Variants in ANKRD24 observed in about 807,000 individuals in gnomAD.
The protein encoded by ANKRD24 is ankyrin repeat domain 24.
In ANKRD24, 109 loss-of-function variants were observed where a neutral mutation model predicts 127.8. That is an observed-to-expected ratio of 0.85 (90% CI 0.73 to 1.00). ANKRD24 has a LOEUF of 1.00. ANKRD24 is among the 50% of genes least tolerant of loss of function. ANKRD24 has a pLI of 0.00. For synonymous variants in ANKRD24, 743 were observed against 671.1 expected (o/e 1.11, Z -1.66); for missense variants, 1,648 against 1,570.2 (o/e 1.05, Z -0.84).
At chr19:4,213,635 T>C (rs970627663) in intron 15 of ANKRD24, among the ~76,000 whole-genome samples, 1 of 151,858 alleles carries the variant, frequency 6.6e-6, no homozygotes, top group Non-Finnish European at 1.5e-5. Flanking sequence ...TTTGTATTTT[T>C]TGGGGAGTGG....
chr19:4,222,905 C>A, intron 20 of ANKRD24, 110 bp downstream of exon 20: 1 of 1,284,604 alleles, frequency 7.8e-7, no homozygotes, highest in Non-Finnish European at 1.0e-6. Flanking sequence ...CTGGGGTAGG[C>A]AGGTGGGGTC....
At chr19:4,218,211 G>GGCGGCCTGTTTTAGCCCCGCA in intron 18 of ANKRD24, 48 bp downstream of exon 18, 1 of 1,401,382 alleles carries the variant, frequency 7.1e-7, no homozygotes, top group Non-Finnish European at 9.3e-7. Context: ...TTGGCCACGT[G>GGCGGCCTGTTTTAGCCCCGCA]GCGGCCTGTT....
intron 15 of ANKRD24, among the ~76,000 whole-genome samples, chr19:4,214,172 C>CTTTTT (rs11367695): frequency 1.4e-5 from 2 of 147,060 alleles, no homozygotes; most frequent in Non-Finnish European, 3.0e-5. Context: ...ACAAATATTT[C>CTTTTT]TTTTTTTTTT....
In ANKRD24 at chr19:4,207,511, C is replaced by T; in HGVS notation, c.548C>T (p.Thr183Ile). Residue 183 changes from threonine to isoleucine, a missense_variant, in exon 9 of 22, where the codon ACA becomes ATA. Transcript: ENST00000318934. ...HLNPQDRSGA[T>I]PLIIAAQMCH... is the part of the protein sequence containing the mutation. ...CCTCCTCCCTACCAGTCAGGCGCAA[C>T]ACCCCTCATTATAGCAGCTCAGATG... The T allele has an allele frequency of 6.2e-7, 1 of 1,613,898 alleles. No homozygotes were observed. The highest frequency in any genetic ancestry group is 8.5e-7 in the Non-Finnish European group (1 of 1,179,834).
chr19:4,191,346 G>C (rs559407147), intron 2 of ANKRD24, among the ~76,000 whole-genome samples: 1 of 152,096 alleles, frequency 6.6e-6, no homozygotes, highest in Non-Finnish European at 1.5e-5. Context: ...GGGACCTTGT[G>C]TTCCGTGTCT....
chr19:4,194,564 C>G (rs775468018), intron 2 of ANKRD24, among the ~76,000 whole-genome samples: 1 of 152,184 alleles, frequency 6.6e-6, no homozygotes, highest in South Asian at 2.1e-4. Context: ...TCTACGGAAA[C>G]AGGCAGTGGG....
In ANKRD24 at chr19:4,222,285, A is replaced by G. The variant is rs1286194597; in HGVS notation, c.3172-385A>G. ...GCACCTGTAGTCCCAGCTACTCAGG[A>G]GGCTGAGGCAGGAGAATTGCTTGAA... On this transcript the variant is annotated intron_variant, in intron 19 of 21. Transcript: ENST00000318934. Among the ~76,000 whole-genome samples the G allele has an allele frequency of 3.3e-5, 5 of 152,234 alleles. No homozygotes were observed. The East Asian group carries it at 5.8e-4, about 18-fold the overall frequency.
intron 5 of ANKRD24, among the ~76,000 whole-genome samples, chr19:4,201,093 G>T (rs1324956170): frequency 2.6e-5 from 4 of 152,146 alleles, no homozygotes; most frequent in African/African-American, 9.7e-5. Flanking sequence ...AGGAGTAGCT[G>T]GAGCTGTGGG....
Position 4,189,243 on chromosome 19 carries a change from CTTTTTT to C in ANKRD24, c.36+2799_36+2804del, listed in dbSNP as rs398033749. Among the ~76,000 whole-genome samples the C allele has an allele frequency of 9.5e-4, 70 of 73,940 alleles. 1 individual carries two copies. Among genetic ancestry groups the C allele is most frequent in the African/African-American group, 2.1e-3 (40 of 18,732 alleles). 48.5% of individuals were successfully genotyped at this position (73,940 alleles called of 152,430 possible). ...TTATTTTTTTTAATTTTTCTTTCTT[CTTTTTT>C]TTTTTTTTTTTTTTTTGAAGGAGTC... On this transcript the variant is annotated intron_variant, in intron 2 of 21. Transcript: ENST00000318934.
rs1333944304 is a variant in ANKRD24 at position 4,182,915 on chromosome 19, C to A, written c.-37+175C>A. ...TAAGGACAGAGCCGGACAGCAGGGACCCCAGCCTAAGGGTTTTGAATGCCA... is the reference window on the plus strand; with the variant it reads ...TAAGGACAGAGCCGGACAGCAGGGAACCCAGCCTAAGGGTTTTGAATGCCA... On this transcript the variant is annotated intron_variant, in intron 1 of 21. Transcript: ENST00000318934. 2.0e-5 allele frequency among the ~76,000 whole-genome samples: 3 copies of A among 151,214 alleles called. No homozygotes were observed. The East Asian group carries it at 5.8e-4, about 29-fold the overall frequency.
At chr19:4,205,494 G>A (rs2145314385) in intron 7 of ANKRD24, among the ~76,000 whole-genome samples, 1 of 152,278 alleles carries the variant, frequency 6.6e-6, no homozygotes, top group Middle Eastern at 3.4e-3. Flanking sequence ...AGCCTCCTGG[G>A]GAGCCTCCCT....
chr19:4,199,574 G>T lies in ANKRD24; in HGVS notation c.37-109G>T. The T allele has an allele frequency of 7.0e-7, 1 of 1,437,600 alleles. No homozygotes were observed. Among genetic ancestry groups the T allele is most frequent in the Non-Finnish European group, 9.1e-7 (1 of 1,100,112 alleles). 89.1% of individuals were successfully genotyped at this position (1,437,600 alleles called of 1,614,324 possible). ...GCTCAGGGGATGATGCTGGTGGTGG[G>T]CTTTTGTTGGACAACTGGGGTGATG... On this transcript the variant is annotated intron_variant, in intron 2 of 21. Coordinates refer to ENST00000318934, the MANE Select transcript of ANKRD24 (RefSeq NM_001393985.1). The surrounding 1 kb of genome is among the most constrained non-coding windows in gnomAD (Gnocchi z 5.2).
intron 15 of ANKRD24, among the ~76,000 whole-genome samples, chr19:4,214,465 A>C (rs1411421144): frequency 6.6e-6 from 1 of 152,114 alleles, no homozygotes; most frequent in Non-Finnish European, 1.5e-5. Flanking sequence ...AAAACACACA[A>C]TTATGCAAAC....
At position 4,222,673 on chromosome 19, in the gene ANKRD24, A is replaced by T; in HGVS notation, c.3175A>T (p.Thr1059Ser). ...DKAKEKDKKI[T>S]ELSKEVFNLK... Reference sequence around the variant, plus strand: ...CTGACAGCACCTGCACCCTCAGATCACAGAACTCTCCAAAGAAGTCTTCAA... The same window carrying T: ...CTGACAGCACCTGCACCCTCAGATCTCAGAACTCTCCAAAGAAGTCTTCAA... The change falls in exon 20 of 22, where the codon ACA becomes TCA. Residue 1059 changes from threonine (T) to serine (S), a missense_variant. Physicochemically the swap from Thr to Ser is moderately conservative, Grantham distance 58. Coordinates refer to ENST00000318934, the MANE Select transcript of ANKRD24 (RefSeq NM_001393985.1). 6.2e-7 allele frequency: 1 copy of T among 1,605,148 alleles called. No individual in the cohort carries two copies. The highest frequency in any genetic ancestry group is 8.5e-7 in the Non-Finnish European group (1 of 1,173,380).
At chr19:4,184,897 GGGATGGATAAGTGGATGGAT>G (rs1164942781) in intron 1 of ANKRD24, among the ~76,000 whole-genome samples, 1 of 150,166 alleles carries the variant, frequency 6.7e-6, no homozygotes, top group Non-Finnish European at 1.5e-5. Context: ...AATGGATGGA[GGGATGGATAAGTGGATGGAT>G]GGATGGATGG....
rs1468644084 is a variant in ANKRD24 at position 4,217,936 on chromosome 19, G to T, written c.2776G>T (p.Ala926Ser). The T allele has an allele frequency of 6.7e-7, 1 of 1,501,536 alleles. No individual in the cohort carries two copies. The highest frequency in any genetic ancestry group is 8.8e-7 in the Non-Finnish European group (1 of 1,132,762). 93.0% of individuals were successfully genotyped at this position (1,501,536 alleles called of 1,614,324 possible). A position where few individuals can be genotyped will look rare whatever the true frequency, so the allele number is the denominator to read the frequency against. ...ASEHRRLQEE[A>S]LELRGRAASL... Reference sequence around the variant, plus strand: ...TGAGCACCGCCGGCTGCAGGAGGAGGCCCTGGAGCTGCGGGGCCGGGCAGC... The same window carrying T: ...TGAGCACCGCCGGCTGCAGGAGGAGTCCCTGGAGCTGCGGGGCCGGGCAGC... Residue 926 changes from alanine to serine, a missense_variant, in exon 18 of 22, where the codon GCC (alanine) becomes TCC (serine). Ala to Ser is a moderately conservative substitution (Grantham distance 99, BLOSUM62 1). Transcript: ENST00000318934.
At position 4,207,796 on chromosome 19, in the gene ANKRD24, G is replaced by T. The variant is rs1969477797; in HGVS notation, c.660G>T (p.Leu220=). The change falls in exon 10 of 22, where the codon CTG becomes CTT. Residue 220 remains leucine, a synonymous_variant. Coordinates refer to ENST00000318934, the MANE Select transcript of ANKRD24 (RefSeq NM_001393985.1). ...QDLQGRTALM[L]ACEGASPETV... Reference sequence around the variant, plus strand: ...CCCCTGGTAGGACGGCCCTGATGCTGGCCTGTGAGGGGGCCAGCCCCGAAA... The same window carrying T: ...CCCCTGGTAGGACGGCCCTGATGCTTGCCTGTGAGGGGGCCAGCCCCGAAA... The T allele has an allele frequency of 6.4e-7, 1 of 1,572,300 alleles. No individual in the cohort carries two copies. Among genetic ancestry groups the T allele is most frequent in the Non-Finnish European group, 8.6e-7 (1 of 1,159,846 alleles).
chr19:4,223,421 G>A (rs1323412058), intron 20 of ANKRD24, among the ~76,000 whole-genome samples: 1 of 31,170 alleles, frequency 3.2e-5, no homozygotes, highest in African/African-American at 2.0e-4. Flanking sequence ...TTTTTTTTTT[G>A]AGCCAGTCTC....
In ANKRD24 at chr19:4,197,730, C is replaced by T. The variant is rs1968829949; in HGVS notation, c.37-1953C>T. ...ATGAGTGAATGAATGAAAGGGTGAG[C>T]GAATAAACAAATGGGTGAAGGAATG... is the stretch of plus-strand genomic sequence containing the variant. On this transcript the variant is annotated intron_variant, in intron 2 of 21. Coordinates refer to ENST00000318934, the MANE Select transcript of ANKRD24 (RefSeq NM_001393985.1). Among the ~76,000 whole-genome samples, 3 of 151,028 alleles carry T rather than the reference C, an allele frequency of 2.0e-5. No homozygotes were observed. The South Asian group carries it at 6.3e-4, about 32-fold the overall frequency.
Sources: gnomAD v4.1 joint callset for allele counts (sites outside exome capture counted in the v4.1 genomes callset) on GRCh38, gnomAD v4.1.1 for gene constraint, Gnocchi (gnomAD v3.1) non-coding constraint, MANE v1.5 for transcripts, NCBI Gene and HGNC (gene_info 2026-07-23, HGNC 2026-07-21) for gene names.